AGBL4: variants seen among roughly 807,000 people sequenced by gnomAD.
AGBL4 encodes the protein AGBL carboxypeptidase 4.
AGBL4 carries 58 observed loss-of-function variants against 66.4 expected under a neutral mutation model. The ratio of observed to expected loss-of-function variants is 0.87; its 90% CI spans 0.71 to 1.09. AGBL4 has a LOEUF of 1.09. Among genes scored for constraint, AGBL4 ranks in the 50% least tolerant of loss-of-function variants. The pLI, the probability that AGBL4 is intolerant of heterozygous loss-of-function variation, is 0.00. For missense variants in AGBL4, 579 were observed against 631.0 expected, an observed-to-expected ratio of 0.92 and a Z score of 0.88; for synonymous variants, 234 against 222.9, an observed-to-expected ratio of 1.05 and a Z score of -0.44.
chr1:49,803,105 A>G (rs1189169083), intron 2 of AGBL4, among the ~76,000 whole-genome samples: 1 of 150,806 alleles, frequency 6.6e-6, no homozygotes, highest in African/African-American at 2.4e-5. Context: ...TAAATTTTAT[A>G]TATTCATAAT....
intron 11 of AGBL4, among the ~76,000 whole-genome samples, chr1:48,571,045 A>G (rs1644555401): frequency 6.6e-6 from 1 of 152,232 alleles, no homozygotes. Context: ...AAGGCGTAAT[A>G]ATAGATATCA....
At chr1:49,563,719 T>G (rs997632367) in intron 3 of AGBL4, among the ~76,000 whole-genome samples, 6 of 152,170 alleles carry the variant, frequency 3.9e-5, no homozygotes, top group African/African-American at 7.2e-5. Flanking sequence ...GCCAGTATTT[T>G]ATTGAGGATT....
intron 5 of AGBL4, among the ~76,000 whole-genome samples, chr1:49,009,538 A>G (rs1485864494): frequency 2.0e-5 from 3 of 152,130 alleles, no homozygotes; most frequent in African/African-American, 4.8e-5. Context: ...TGAGGCCAGC[A>G]TCATTCTGAT....
chr1:49,968,776 A>G (rs1657792975), intron 1 of AGBL4, among the ~76,000 whole-genome samples: 1 of 152,218 alleles, frequency 6.6e-6, no homozygotes, highest in African/African-American at 2.4e-5. Context: ...AGGGATGGCT[A>G]GAGCTCCAAA....
chr1:49,613,099 G>A (rs755527212), intron 3 of AGBL4, among the ~76,000 whole-genome samples: 13 of 152,082 alleles, frequency 8.5e-5, no homozygotes, highest in Non-Finnish European at 1.9e-4. Context: ...TGCAGCTGGA[G>A]GTCATTTTCC....
chr1:49,063,847 G>C (rs188767623), intron 4 of AGBL4, among the ~76,000 whole-genome samples: 21 of 152,322 alleles, frequency 1.4e-4, no homozygotes, highest in African/African-American at 4.8e-4. Context: ...ATGTTTCCCT[G>C]TTGCTTCTGT....
chr1:49,356,565 A>G (rs1454385730), intron 3 of AGBL4, among the ~76,000 whole-genome samples: 1 of 152,234 alleles, frequency 6.6e-6, no homozygotes, highest in Non-Finnish European at 1.5e-5. Flanking sequence ...TCAGCACAGC[A>G]AACAGTGCCA....
intron 1 of AGBL4, among the ~76,000 whole-genome samples, chr1:49,935,428 G>A (rs1653875634): frequency 1.3e-5 from 2 of 152,234 alleles, no homozygotes; most frequent in Non-Finnish European, 2.9e-5. Flanking sequence ...CAAAAAGACA[G>A]CAGTAACCTC....
chr1:49,087,064 C>T (rs892937364), intron 4 of AGBL4, among the ~76,000 whole-genome samples: 1 of 151,010 alleles, frequency 6.6e-6, no homozygotes, highest in Non-Finnish European at 1.5e-5. Context: ...AACCCACCCA[C>T]CACCACCAAC....
chr1:49,475,005 G>T (rs1435933770), intron 3 of AGBL4, among the ~76,000 whole-genome samples: 1 of 151,938 alleles, frequency 6.6e-6, no homozygotes, highest in Non-Finnish European at 1.5e-5. Flanking sequence ...GGACATTATT[G>T]TCTTGTTCCA....
At chr1:49,647,526 G>A (rs1645913228) in intron 3 of AGBL4, among the ~76,000 whole-genome samples, 1 of 152,064 alleles carries the variant, frequency 6.6e-6, no homozygotes, top group African/African-American at 2.4e-5. Context: ...GTCATTATGG[G>A]GCACCCACAG....
chr1:48,589,905 G>A (rs1431656572), intron 10 of AGBL4, among the ~76,000 whole-genome samples: 1 of 152,202 alleles, frequency 6.6e-6, no homozygotes, highest in African/African-American at 2.4e-5. Flanking sequence ...GGTCTGACAT[G>A]TGGTAGGTGC....
Position 49,140,917 on chromosome 1 carries a change from G to A in AGBL4, c.378-95117C>T, listed in dbSNP as rs143156109. On this transcript the variant is annotated intron_variant, in intron 4 of 13. Coordinates refer to ENST00000371839, the MANE Select transcript of AGBL4 (RefSeq NM_032785.4). ...GTGATGAAGGGAAAATTGCCATCAT[G>A]CAAAACTAGAATTAAATATCTGTAC... Among the ~76,000 whole-genome samples the A allele has an allele frequency of 1.0e-3, 156 of 152,278 alleles. No individual in the cohort carries two copies. In the Middle Eastern group the frequency reaches 0.014, roughly 13 times the overall value.
At chr1:48,870,742 C>T (rs1033128824) in intron 5 of AGBL4, among the ~76,000 whole-genome samples, 7 of 152,166 alleles carry the variant, frequency 4.6e-5, no homozygotes, top group African/African-American at 1.7e-4. Flanking sequence ...GATAAATTAA[C>T]ACTAACCTGG....
At chr1:49,115,954 C>A (rs761392035) in intron 4 of AGBL4, among the ~76,000 whole-genome samples, 1 of 152,086 alleles carries the variant, frequency 6.6e-6, no homozygotes, top group African/African-American at 2.4e-5. Context: ...CTTAAAGGCA[C>A]TGAAGATGCT....
At chr1:49,845,996 C>G in intron 2 of AGBL4, 1 of 1,590,606 alleles carries the variant, frequency 6.3e-7, no homozygotes, top group South Asian at 1.1e-5. Context: ...TGAGGAGAAG[C>G]CCTACAAATG....
chr1:49,682,977 C>G (rs1015508694), intron 3 of AGBL4, among the ~76,000 whole-genome samples: 3 of 152,290 alleles, frequency 2.0e-5, no homozygotes. Context: ...GAGAAAGGTT[C>G]TACTTCACAA....
In AGBL4 at chr1:49,478,858, T is replaced by C. The variant is rs574133174; in HGVS notation, c.282+218455A>G. Among the ~76,000 whole-genome samples the C allele has an allele frequency of 2.0e-5, 3 of 146,378 alleles. No homozygotes were observed. In the East Asian group the frequency reaches 7.0e-4, roughly 34 times the overall value. On this transcript the variant is annotated intron_variant, in intron 3 of 13. Transcript: ENST00000371839. Reference sequence around the variant, plus strand: ...AAAAGGAAGAAATGGAGTTAAAATGTAGAGTTTTTATTAATTTTCTTTTTG... The same window carrying C: ...AAAAGGAAGAAATGGAGTTAAAATGCAGAGTTTTTATTAATTTTCTTTTTG...
At chr1:48,853,382 A>G (rs1012545041) in intron 6 of AGBL4, among the ~76,000 whole-genome samples, 1 of 152,216 alleles carries the variant, frequency 6.6e-6, no homozygotes, top group Non-Finnish European at 1.5e-5. Context: ...GTGTGAGATA[A>G]TAAACATCTA....
Sources: gnomAD v4.1 joint callset for allele counts (sites outside exome capture counted in the v4.1 genomes callset) on GRCh38, gnomAD v4.1.1 for gene constraint, MANE v1.5 for transcripts, NCBI Gene and HGNC (gene_info 2026-07-23, HGNC 2026-07-21) for gene names.